The following WDR73 variants were observed in gnomAD, a reference collection of about 807,000 sequenced individuals.
The protein encoded by WDR73 is WD repeat domain 73, also known as integrator complex assembly factor WDR73.
WDR73 carries 30 observed loss-of-function variants against 38.2 expected under a neutral mutation model. The ratio of observed to expected loss-of-function variants is 0.79; its 90% CI spans 0.59 to 1.06. WDR73 has a LOEUF of 1.06. WDR73 is among the 50% of genes least tolerant of loss of function. WDR73 has a pLI of 0.00. For synonymous variants in WDR73, 197 were observed against 176.0 expected, an observed-to-expected ratio of 1.12 and a Z score of -0.94; for missense variants, 487 against 467.0, an observed-to-expected ratio of 1.04 and a Z score of -0.40.
At position 84,645,332 on chromosome 15, in the gene WDR73, G is replaced by A. The variant is rs571648887; in HGVS notation, c.883+139C>T. The A allele has an allele frequency of 2.6e-6, 4 of 1,530,578 alleles. No homozygotes were observed. In the Admixed American group the frequency reaches 5.9e-5, roughly 23 times the overall value. 94.8% of individuals were successfully genotyped at this position (1,530,578 alleles called of 1,614,324 possible). A position where few individuals can be genotyped will look rare whatever the true frequency, so the allele number is the denominator to read the frequency against. On this transcript the variant is annotated intron_variant, in intron 7 of 7. Transcript: ENST00000434634. ...AAAAGGCCTGCCACTGAAGAACCTG[G>A]AGAGTTCGAATTTCTCTGTGAGCAA...
At chr15:84,646,531 A>C in intron 5 of WDR73, 183 bp from the exon 6 acceptor site, 1 of 900,306 alleles carries the variant, frequency 1.1e-6, no homozygotes, top group South Asian at 2.5e-5. Flanking sequence ...AACCATCAGA[A>C]ACATTTCAAT....
intron 3 of WDR73, among the ~76,000 whole-genome samples, chr15:84,649,042 C>T (rs978109918): frequency 6.6e-5 from 10 of 152,192 alleles, no homozygotes; most frequent in South Asian, 2.1e-4. Flanking sequence ...CTGTGTCAGG[C>T]GCAGTGTTTA....
intron 3 of WDR73, 121 bp downstream of exon 3, chr15:84,652,593 C>T (rs1896658036): frequency 1.1e-5 from 6 of 547,070 alleles, no homozygotes; most frequent in Non-Finnish European, 1.9e-5. Flanking sequence ...ACTAGAAGGG[C>T]AGGCCTAGCG....
At chr15:84,651,917 G>C (rs1178583984) in intron 3 of WDR73, among the ~76,000 whole-genome samples, 1 of 152,108 alleles carries the variant, frequency 6.6e-6, no homozygotes, top group Non-Finnish European at 1.5e-5. Context: ...GCCCAGGCTG[G>C]AGTGCAGTGG....
intron 7 of WDR73, chr15:84,644,480 T>C (rs1896376855): frequency 6.6e-6 from 1 of 151,918 alleles, no homozygotes. Flanking sequence ...CGACGGATCC[T>C]TCCTGTTGGC....
chr15:84,647,404 A>T, intron 5 of WDR73: 1 of 163,320 alleles, frequency 6.1e-6, no homozygotes, highest in Admixed American at 5.9e-5. Flanking sequence ...AGGTTACAGG[A>T]AGCTCCATTT....
chr15:84,651,878 T>C (rs897759721), intron 3 of WDR73, among the ~76,000 whole-genome samples: 1 of 150,624 alleles, frequency 6.6e-6, no homozygotes, highest in African/African-American at 2.4e-5. Flanking sequence ...TCTGAATGAT[T>C]TTTTTTTTTG....
chr15:84,646,464 G>A (rs1896467042), intron 5 of WDR73, 116 bp from the exon 6 acceptor site: 12 of 1,466,612 alleles, frequency 8.2e-6, no homozygotes, highest in African/African-American at 2.8e-5. Context: ...AGGAGCTGCC[G>A]GCTGGCAAGA....
Position 84,643,478 on chromosome 15 carries a change from G to A in WDR73, c.1129C>T (p.Pro377Ser), listed in dbSNP as rs1003917522. The change falls in exon 8 of 8, where the codon CCC becomes TCC. Residue 377 changes from proline to serine, a missense_variant. Coordinates refer to ENST00000434634, the MANE Select transcript of WDR73 (RefSeq NM_032856.5). ...HVWDWVDLCAPR is the reference protein window; with the variant it reads ...HVWDWVDLCASR ...ATGGAAAGATGCTGGTGTCAGCGGG[G>A]GGCACAAAGGTCCACCCAGTCCCAC... 5 of 1,555,702 alleles carry A rather than the reference G, an allele frequency of 3.2e-6. No individual in the cohort carries two copies. The highest frequency in any genetic ancestry group is 1.8e-4 in the Middle Eastern group (1 of 5,572).
chr15:84,643,801 G>A, intron 7 of WDR73, 78 bp from the exon 8 acceptor site: 9 of 1,436,254 alleles, frequency 6.3e-6, no homozygotes, highest in Non-Finnish European at 8.3e-6. Context: ...ATTTTTAATA[G>A]AGATGGGGTT....
chr15:84,644,238 G>C (rs1896367495), intron 7 of WDR73: 1 of 156,178 alleles, frequency 6.4e-6, no homozygotes, highest in Non-Finnish European at 1.4e-5. Flanking sequence ...GTCCCTTTCA[G>C]CAGATGGCCT....
Position 84,646,359 on chromosome 15 carries a change from A to C in WDR73, c.353-11T>G. 1 of 1,600,096 alleles carries C rather than the reference A, an allele frequency of 6.2e-7. No homozygotes were observed. The highest frequency in any genetic ancestry group is 8.6e-7 in the Non-Finnish European group (1 of 1,169,512). ...CAGCTTTAATGACATCTAGGGGAAA[A>C]CGAAGAGGCCAAAATCCAGAACTTT... On this transcript the variant is annotated splice_polypyrimidine_tract_variant and intron_variant, in intron 5 of 7. Coordinates refer to ENST00000434634, the MANE Select transcript of WDR73 (RefSeq NM_032856.5).
In WDR73 at chr15:84,642,510, A is replaced by T. The variant is rs1470560695; in HGVS notation, c.*960T>A. On this transcript the variant is annotated 3_prime_UTR_variant, in exon 8 of 8. Transcript: ENST00000434634. ...GTAACAGGGTCTCATTCTGTTGCCC[A>T]GGCTGGAATACAGTGGCATGATCAC... 1 of 152,152 alleles carries T rather than the reference A, an allele frequency of 6.6e-6. No homozygotes were observed. The highest frequency in any genetic ancestry group is 1.9e-4 in the East Asian group (1 of 5,190). 9.4% of individuals were successfully genotyped at this position (152,152 alleles called of 1,614,324 possible).
At position 84,654,177 on chromosome 15, in the gene WDR73, C is replaced by G. The variant is rs1372913837; in HGVS notation, c.41+57G>C. 1.4e-5 allele frequency: 23 copies of G among 1,612,668 alleles called. No individual in the cohort carries two copies. The East Asian group carries it at 4.9e-4, about 34-fold the overall frequency. On this transcript the variant is annotated intron_variant, in intron 1 of 7. Transcript: ENST00000434634. ...CCAACGTGCCTCCACCCACACCCAT[C>G]CGCCCGCCAGGCAAGCTCCAGGCCC...
chr15:84,652,318 A>AG (rs1312308908), intron 3 of WDR73, among the ~76,000 whole-genome samples: 15 of 151,818 alleles, frequency 9.9e-5, no homozygotes, highest in South Asian at 2.1e-4. Context: ...TTCTTTGGGG[A>AG]GGGGGGGTGC....
At chr15:84,649,653 A>G (rs1285871869) in intron 3 of WDR73, among the ~76,000 whole-genome samples, 2 of 151,946 alleles carry the variant, frequency 1.3e-5, no homozygotes, top group Admixed American at 6.6e-5. Context: ...TATTTTTAGT[A>G]GAGACAGGGT....
At chr15:84,650,496 T>G (rs28565484) in intron 3 of WDR73, among the ~76,000 whole-genome samples, 133,423 of 152,130 alleles carry the variant, frequency 0.88, 58,788 homozygotes, top group African/African-American at 0.97. Context: ...GAGTAGCTGG[T>G]ACTACAGGCG....
At position 84,654,269 on chromosome 15, in the gene WDR73, A is replaced by G. The variant is rs780924737; in HGVS notation, c.6T>C (p.Asp2=). Residue 2 remains aspartate (D), a synonymous_variant, in exon 1 of 8, where the codon GAT becomes GAC. Transcript: ENST00000434634. M[D]PGDDWLVESL... Reference sequence around the variant, plus strand: ...ATTCCACCAGCCAGTCGTCCCCAGGATCCATGGCAACGACCGCTTCCGGCG... The same window carrying G: ...ATTCCACCAGCCAGTCGTCCCCAGGGTCCATGGCAACGACCGCTTCCGGCG... The G allele has an allele frequency of 2.0e-5, 32 of 1,613,868 alleles. No homozygotes were observed. The South Asian group carries it at 2.1e-4, about 11-fold the overall frequency.
Position 84,652,594 on chromosome 15 carries a change from A to AGGCC in WDR73, c.198+116_198+119dup, listed in dbSNP as rs1896658258. ...CCTCCCTCTGTTAGACTAGAAGGGC[A>AGGCC]GGCCTAGCGCTTTCTCTCTTTCTAG... On this transcript the variant is annotated intron_variant, in intron 3 of 7. Transcript: ENST00000434634. 4 of 540,986 alleles carry AGGCC rather than the reference A, an allele frequency of 7.4e-6. No individual in the cohort carries two copies. The South Asian group carries it at 9.1e-5, about 12-fold the overall frequency. 33.5% of individuals were successfully genotyped at this position (540,986 alleles called of 1,614,324 possible). A position where few individuals can be genotyped will look rare whatever the true frequency, so the allele number is the denominator to read the frequency against.
Sources: gnomAD v4.1 joint callset for allele counts (sites outside exome capture counted in the v4.1 genomes callset) on GRCh38, gnomAD v4.1.1 for gene constraint, MANE v1.5 for transcripts, NCBI Gene and HGNC (gene_info 2026-07-23, HGNC 2026-07-21) for gene names.